The following CHD1L variants were observed in gnomAD, a reference collection of about 807,000 sequenced individuals.
CHD1L encodes ATP-dependent chromatin remodeler CHD1L.
Under a neutral mutation model 115.9 loss-of-function variants are expected in CHD1L, and 118 were observed. The observed-to-expected ratio is 1.02, with a 90% confidence interval of 0.88 to 1.19. The LOEUF is 1.19. Ranked by LOEUF, CHD1L falls within the 50% of genes most tolerant of loss-of-function variation. CHD1L has a pLI of 0.00. For synonymous variants in CHD1L, 411 were observed against 387.1 expected (o/e 1.06, Z -0.72); for missense variants, 1,179 against 1,065.3 (o/e 1.11, Z -1.49).
the CHD1L span, among the ~76,000 whole-genome samples, chr1:147,191,145 C>T: frequency 3.9e-5 from 6 of 152,082 alleles, no homozygotes; most frequent in Admixed American, 2.0e-4. Context: ...AATAAACATA[C>T]GTGTGCATGT....
At chr1:147,208,950 T>C in the CHD1L span, 6 of 1,614,000 alleles carry the variant, frequency 3.7e-6, no homozygotes, top group Admixed American at 1.7e-5. Flanking sequence ...AGATCTTCCA[T>C]ATAAAATGTG....
chr1:147,289,332 G>A (rs1181319731), intron 19 of CHD1L, among the ~76,000 whole-genome samples: 4 of 152,140 alleles, frequency 2.6e-5, no homozygotes, highest in African/African-American at 9.7e-5. Flanking sequence ...TCTGACAGAA[G>A]GAATTGTCAG....
chr1:147,241,612 A>T (rs753939385), upstream of CHD1L, among the ~76,000 whole-genome samples: 1 of 152,306 alleles, frequency 6.6e-6, no homozygotes, highest in African/African-American at 2.4e-5. Context: ...AGTATTTATG[A>T]ATGACTCAAG....
chr1:147,188,926 A>T, the CHD1L span, among the ~76,000 whole-genome samples: 2 of 152,108 alleles, frequency 1.3e-5, no homozygotes, highest in African/African-American at 4.8e-5. Flanking sequence ...GTTTAAAAGC[A>T]CCAAACTCAG....
chr1:147,279,048 A>G (rs1290077593), intron 14 of CHD1L, among the ~76,000 whole-genome samples: 4 of 152,170 alleles, frequency 2.6e-5, no homozygotes, highest in Non-Finnish European at 4.4e-5. Flanking sequence ...TTGGCTTCCT[A>G]CTATTTTTGG....
the CHD1L span, chr1:147,179,762 G>T: frequency 1.6e-6 from 1 of 621,030 alleles, no homozygotes; most frequent in East Asian, 2.7e-5. Context: ...TCTGAATCCT[G>T]TTAAATTTTC....
chr1:147,175,803 A>T, the CHD1L span: 1 of 152,202 alleles, frequency 6.6e-6, no homozygotes, highest in African/African-American at 2.4e-5. Flanking sequence ...ACTACTCAGT[A>T]ATAAAAGAAT....
chr1:147,244,117 A>G (rs1195018858), intron 1 of CHD1L, among the ~76,000 whole-genome samples: 3 of 152,194 alleles, frequency 2.0e-5, no homozygotes, highest in East Asian at 3.9e-4. Flanking sequence ...GGGTTTGCCT[A>G]TTTCCTTGCA....
chr1:147,284,623 G>A, intron 16 of CHD1L, 124 bp downstream of exon 16: 1 of 863,160 alleles, frequency 1.2e-6, no homozygotes, highest in African/African-American at 1.8e-5. Flanking sequence ...GTATGTGTTT[G>A]CTGAAATGTT....
At chr1:147,173,553 A>G in the CHD1L span, 2 of 152,298 alleles carry the variant, frequency 1.3e-5, no homozygotes, top group South Asian at 2.1e-4. Context: ...CAGAAGGAAC[A>G]CTAAAGGTAT....
At chr1:147,188,148 G>A in the CHD1L span, among the ~76,000 whole-genome samples, 4 of 152,242 alleles carry the variant, frequency 2.6e-5, no homozygotes, top group East Asian at 7.7e-4. Flanking sequence ...GAATTTGAGA[G>A]CTTTCCCTTA....
the CHD1L span, among the ~76,000 whole-genome samples, chr1:147,232,711 G>A: frequency 6.6e-6 from 1 of 152,168 alleles, no homozygotes; most frequent in Non-Finnish European, 1.5e-5. Flanking sequence ...GTGTTGGCCG[G>A]GCTGGTCTCC....
At chr1:147,178,068 A>G in the CHD1L span, 5 of 1,130,528 alleles carry the variant, frequency 4.4e-6, no homozygotes, top group South Asian at 1.6e-5. Flanking sequence ...CCGCAGTCCC[A>G]GTCGAGCCGC....
At chr1:147,193,157 T>C in the CHD1L span, among the ~76,000 whole-genome samples, 2 of 152,192 alleles carry the variant, frequency 1.3e-5, no homozygotes, top group South Asian at 4.1e-4. Flanking sequence ...TTTTGGTTGG[T>C]AAGCTATTGA....
chr1:147,272,174 A>G lies in CHD1L; in HGVS notation c.1163A>G (p.Tyr388Cys). The change falls in exon 12 of 23, where the codon TAC becomes TGC. Residue 388 changes from tyrosine to cysteine, a missense_variant. By Grantham distance (194) the Tyr-to-Cys change is radical (BLOSUM62 -2). Transcript: ENST00000369258. ...GTTTTTCTTCCTCTCTGTAAAGGCT[A>G]CAGCTATGAGCGTGTGGATGGTTCT... ...ILQDYMDYRGYSYERVDGSVR... is the reference protein window; with the variant it reads ...ILQDYMDYRGCSYERVDGSVR... The G allele has an allele frequency of 1.2e-6, 2 of 1,612,800 alleles. No homozygotes were observed. Among genetic ancestry groups the G allele is most frequent in the Non-Finnish European group, 1.7e-6 (2 of 1,178,910 alleles).
chr1:147,273,436 G>T (rs1018259382), intron 12 of CHD1L, among the ~76,000 whole-genome samples: 26 of 152,046 alleles, frequency 1.7e-4, no homozygotes, highest in Non-Finnish European at 2.6e-4. Context: ...ATTATAAGGA[G>T]ATTATTTCAC....
intron 12 of CHD1L, among the ~76,000 whole-genome samples, chr1:147,273,472 A>G (rs752147737): frequency 1.3e-5 from 2 of 152,156 alleles, no homozygotes; most frequent in Non-Finnish European, 2.9e-5. Context: ...CTCCCTAATA[A>G]AATTAATAAC....
the CHD1L span, chr1:147,211,635 T>C: frequency 2.6e-5 from 4 of 152,186 alleles, no homozygotes; most frequent in East Asian, 3.9e-4. Context: ...CTATTGCCAA[T>C]AGAGTTTGAT....
the CHD1L span, chr1:147,216,089 T>C: frequency 3.4e-6 from 2 of 592,296 alleles, no homozygotes; most frequent in African/African-American, 3.8e-5. Flanking sequence ...ATGTAGTCCC[T>C]TCCCCTTGAA....
Sources: allele counts gnomAD v4.1 joint callset (sites outside exome capture counted in the v4.1 genomes callset), GRCh38; gene constraint gnomAD v4.1.1; transcripts MANE v1.5; gene names NCBI Gene and HGNC (gene_info 2026-07-23, HGNC 2026-07-21).